The following ACAD10 variants were observed in gnomAD, a reference collection of about 807,000 sequenced individuals.
ACAD10 encodes acyl-CoA dehydrogenase family member 10.
Under a neutral mutation model 116.8 loss-of-function variants are expected in ACAD10, and 112 were observed. That is an observed-to-expected ratio of 0.96 (90% CI 0.82 to 1.12). The LOEUF (loss-of-function observed/expected upper bound fraction) is 1.12, where lower values mean the gene tolerates loss of function less well. Ranked by LOEUF, ACAD10 falls within the 50% of genes most tolerant of loss-of-function variation. The pLI is 0.00. For missense variants in ACAD10, 1,259 were observed against 1,350.2 expected (o/e 0.93, Z 1.06); for synonymous variants, 486 against 510.6 (o/e 0.95, Z 0.65).
At position 111,756,646 on chromosome 12, in the gene ACAD10, T is replaced by A; in HGVS notation, c.*173T>A. On this transcript the variant is annotated 3_prime_UTR_variant, in exon 21 of 21. Coordinates refer to ENST00000313698, the MANE Select transcript of ACAD10 (RefSeq NM_025247.6). Reference sequence around the variant, plus strand: ...TCTGGTTCTCCACAGAAGACGTCTCTGCAAGAAGCCTGGAGTCTGTTTCAG... The same window carrying A: ...TCTGGTTCTCCACAGAAGACGTCTCAGCAAGAAGCCTGGAGTCTGTTTCAG... The A allele has an allele frequency of 9.1e-7, 1 of 1,098,388 alleles. No individual in the cohort carries two copies. The highest frequency in any genetic ancestry group is 1.3e-6 in the Non-Finnish European group (1 of 749,310). 68.0% of individuals were successfully genotyped at this position (1,098,388 alleles called of 1,614,324 possible).
chr12:111,700,187 C>G (rs1888309353), intron 2 of ACAD10, among the ~76,000 whole-genome samples: 1 of 152,070 alleles, frequency 6.6e-6, no homozygotes, highest in Non-Finnish European at 1.5e-5. Flanking sequence ...GACCCCATCT[C>G]TTAAAAAAAT....
At chr12:111,718,975 C>T (rs1355672561) in intron 7 of ACAD10, among the ~76,000 whole-genome samples, 1 of 151,818 alleles carries the variant, frequency 6.6e-6, no homozygotes, top group Non-Finnish European at 1.5e-5. Context: ...TGTGGTGGTG[C>T]ACACCTATAG....
At chr12:111,694,883 C>T (rs1434861402) in intron 2 of ACAD10, among the ~76,000 whole-genome samples, 2 of 152,074 alleles carry the variant, frequency 1.3e-5, no homozygotes, top group Non-Finnish European at 2.9e-5. Flanking sequence ...AAAAGCGTAC[C>T]TGGGCATGGT....
intron 7 of ACAD10, among the ~76,000 whole-genome samples, chr12:111,721,127 T>C (rs932598315): frequency 3.5e-4 from 54 of 152,192 alleles, no homozygotes; most frequent in African/African-American, 1.3e-3. Context: ...TTGAGTTTAA[T>C]GTAATTATTG....
intron 4 of ACAD10, among the ~76,000 whole-genome samples, 198 bp from the exon 5 acceptor site, chr12:111,709,328 C>T (rs1213596243): frequency 6.6e-6 from 1 of 152,140 alleles, no homozygotes; most frequent in African/African-American, 2.4e-5. Flanking sequence ...CGAGTTTGCC[C>T]CCACGTTGTA....
intron 10 of ACAD10, among the ~76,000 whole-genome samples, chr12:111,732,844 CTT>C (rs1385538346): frequency 6.6e-6 from 1 of 152,240 alleles, no homozygotes; most frequent in African/African-American, 2.4e-5. Flanking sequence ...CTACAACAAA[CTT>C]TGTCAGAACT....
intron 4 of ACAD10, among the ~76,000 whole-genome samples, chr12:111,706,204 C>T (rs986995052): frequency 2.0e-5 from 3 of 152,206 alleles, no homozygotes; most frequent in African/African-American, 7.2e-5. Context: ...ATAACACAAG[C>T]ATCTCTGTCA....
chr12:111,709,378 T>C (rs1463156693), intron 4 of ACAD10, 148 bp from the exon 5 acceptor site: 2 of 681,310 alleles, frequency 2.9e-6, no homozygotes, highest in African/African-American at 3.7e-5. Flanking sequence ...GAAGGCAACA[T>C]CATTTTATAT....
At chr12:111,748,523 A>C (rs768054544) in intron 17 of ACAD10, 48 bp downstream of exon 17, 1 of 1,604,776 alleles carries the variant, frequency 6.2e-7, no homozygotes, top group South Asian at 1.1e-5. Flanking sequence ...TCTGGTCCCC[A>C]GGAAACACCA....
chr12:111,696,427 A>G (rs1386414872), intron 2 of ACAD10, among the ~76,000 whole-genome samples: 1 of 152,228 alleles, frequency 6.6e-6, no homozygotes, highest in Non-Finnish European at 1.5e-5. Flanking sequence ...AAAAATATCA[A>G]AACAAGAATA....
At chr12:111,742,107 C>T (rs1356144640) in intron 12 of ACAD10, among the ~76,000 whole-genome samples, 3 of 152,140 alleles carry the variant, frequency 2.0e-5, no homozygotes, top group Non-Finnish European at 4.4e-5. Flanking sequence ...GATGTGGTCT[C>T]TTCTGCTGGA....
At chr12:111,738,341 G>T (rs1259661512) in intron 12 of ACAD10, among the ~76,000 whole-genome samples, 1 of 151,476 alleles carries the variant, frequency 6.6e-6, no homozygotes, top group East Asian at 2.0e-4. Flanking sequence ...AGCTACTTGG[G>T]AGACTGAGGC....
chr12:111,731,891 T>TG (rs1415757687), intron 10 of ACAD10, among the ~76,000 whole-genome samples: 1 of 152,168 alleles, frequency 6.6e-6, no homozygotes, highest in African/African-American at 2.4e-5. Context: ...GAGACCAGCC[T>TG]GGCCAACATG....
chr12:111,741,139 C>T (rs931920657), intron 12 of ACAD10, among the ~76,000 whole-genome samples: 2 of 152,196 alleles, frequency 1.3e-5, no homozygotes, highest in Non-Finnish European at 2.9e-5. Flanking sequence ...TTAACTGTAC[C>T]TGGTCTGATA....
intron 8 of ACAD10, among the ~76,000 whole-genome samples, chr12:111,723,893 C>A (rs1246317219): frequency 6.6e-6 from 1 of 151,582 alleles, no homozygotes; most frequent in Non-Finnish European, 1.5e-5. Context: ...CAGGGACGCT[C>A]CTCACCTCCC....
Position 111,736,988 on chromosome 12 carries a change from C to T in ACAD10, c.1698C>T (p.Tyr566=). Residue 566 remains tyrosine, a synonymous_variant, in exon 12 of 21, where the codon TAC becomes TAT. Coordinates refer to ENST00000313698, the MANE Select transcript of ACAD10 (RefSeq NM_025247.6). The part of the protein sequence containing the change: ...FRVAAILQGV[Y]KRSLTGQASS... ...TGGCTGCAATCCTACAGGGAGTCTA[C>T]AAGCGATCACTCACAGGTAATGGGA... 3.1e-6 allele frequency: 5 copies of T among 1,613,682 alleles called. No individual in the cohort carries two copies. Among genetic ancestry groups the T allele is most frequent in the East Asian group, 2.2e-5 (1 of 44,868 alleles).
intron 2 of ACAD10, among the ~76,000 whole-genome samples, chr12:111,695,077 C>A (rs1888159072): frequency 6.6e-6 from 1 of 152,084 alleles, no homozygotes; most frequent in South Asian, 2.1e-4. Context: ...TCCTTTCATC[C>A]CTGGCTTGAA....
chr12:111,724,032 GGCCGGGAAGAGGTGCTCC>G (rs1246456133), intron 8 of ACAD10, among the ~76,000 whole-genome samples: 2 of 150,432 alleles, frequency 1.3e-5, no homozygotes, highest in South Asian at 2.1e-4. Context: ...ATGTGATGGC[GGCCGGGAAGAGGTGCTCC>G]TCACTTCCTA....
At position 111,746,146 on chromosome 12, in the gene ACAD10, G is replaced by A. The variant is rs1454096639; in HGVS notation, c.2118G>A (p.Glu706=). Residue 706 remains glutamate, a splice_region_variant and synonymous_variant, in exon 14 of 21, where the codon GAG becomes GAA. Coordinates refer to ENST00000313698, the MANE Select transcript of ACAD10 (RefSeq NM_025247.6). The stretch of plus-strand genomic sequence containing the variant: ...CTGACTTATTTTCCCCATGATAGGA[G>A]AAAGCCAAAGCTGAAGGACTTTGGA... ...SPSPLIEDLK[E]KAKAEGLWNL... 1 of 1,607,150 alleles carries A rather than the reference G, an allele frequency of 6.2e-7. No homozygotes were observed. The highest frequency in any genetic ancestry group is 8.5e-7 in the Non-Finnish European group (1 of 1,178,428).
Sources: allele counts gnomAD v4.1 joint callset (sites outside exome capture counted in the v4.1 genomes callset), GRCh38; gene constraint gnomAD v4.1.1; transcripts MANE v1.5; gene names NCBI Gene and HGNC (gene_info 2026-07-23, HGNC 2026-07-21).